The following CCSER1 variants were observed in gnomAD, a reference collection of about 807,000 sequenced individuals.
CCSER1 encodes the protein coiled-coil serine rich protein 1, also known as serine-rich coiled-coil domain-containing protein 1.
Under a neutral mutation model 82.0 loss-of-function variants are expected in CCSER1, and 41 were observed. The ratio of observed to expected loss-of-function variants is 0.50; its 90% CI spans 0.39 to 0.65. The LOEUF is 0.65. Among genes scored for constraint, CCSER1 ranks in the 30% least tolerant of loss-of-function variants. The pLI is 0.00. For synonymous variants in CCSER1, 414 were observed against 383.9 expected (o/e 1.08, Z -0.92); for missense variants, 1,119 against 1,064.2 (o/e 1.05, Z -0.72).
chr4:91,210,979 T>A (rs969665024), intron 10 of CCSER1, among the ~76,000 whole-genome samples: 1 of 151,938 alleles, frequency 6.6e-6, no homozygotes, highest in Non-Finnish European at 1.5e-5. Context: ...TTAGGAAAAA[T>A]ATTATTCTTA....
intron 10 of CCSER1, among the ~76,000 whole-genome samples, chr4:91,335,810 T>G (rs886257102): frequency 3.3e-5 from 5 of 151,968 alleles, no homozygotes; most frequent in Non-Finnish European, 5.9e-5. Flanking sequence ...TGACTAGGAT[T>G]TTTTTTAGAG....
rs58423940 is a variant in CCSER1, at chr4:90,136,541, T to G, written c.-42+8710T>G. Among the ~76,000 whole-genome samples the G allele has an allele frequency of 2.6e-3, 390 of 152,362 alleles. 3 individuals carry two copies. The highest frequency in any genetic ancestry group is 8.9e-3 in the African/African-American group (369 of 41,592). ...TATTATGAATCTGTTAATGAATGTT[T>G]GTTGTGTGTGTGTTTTGCAATAGCA... On this transcript the variant is annotated intron_variant, in intron 1 of 10. Coordinates refer to ENST00000509176, the MANE Select transcript of CCSER1 (RefSeq NM_001145065.2).
At chr4:91,233,257 C>G (rs570399367) in intron 10 of CCSER1, among the ~76,000 whole-genome samples, 2 of 151,836 alleles carry the variant, frequency 1.3e-5, no homozygotes, top group African/African-American at 4.8e-5. Flanking sequence ...TAAACTCTCT[C>G]AGTAGTCTTT....
intron 10 of CCSER1, among the ~76,000 whole-genome samples, chr4:91,422,910 T>A (rs879399818): frequency 1.3e-5 from 2 of 152,094 alleles, no homozygotes; most frequent in Admixed American, 1.3e-4. Context: ...GGAAAGACAT[T>A]TCAATGTCAA....
chr4:90,674,891 A>G (rs751236074), intron 6 of CCSER1, among the ~76,000 whole-genome samples: 2 of 151,928 alleles, frequency 1.3e-5, no homozygotes, highest in African/African-American at 2.4e-5. Flanking sequence ...CTCCTGACCC[A>G]GGAGGAAAGT....
intron 10 of CCSER1, among the ~76,000 whole-genome samples, chr4:91,363,740 G>C (rs561875094): frequency 6.6e-6 from 1 of 151,806 alleles, no homozygotes; most frequent in East Asian, 1.9e-4. Flanking sequence ...CATTAATTTA[G>C]ATATGTGTAC....
intron 4 of CCSER1, 51 bp from the exon 5 acceptor site, chr4:90,468,183 C>G (rs1348895686): frequency 3.9e-6 from 6 of 1,520,258 alleles, no homozygotes; most frequent in Admixed American, 1.9e-5. Context: ...AGATGTGAGA[C>G]TAGTTCATAA....
chr4:90,688,252 C>T (rs1040449485), intron 6 of CCSER1, among the ~76,000 whole-genome samples: 15 of 152,012 alleles, frequency 9.9e-5, no homozygotes, highest in Non-Finnish European at 2.1e-4. Flanking sequence ...CCATTTCATA[C>T]CCTTATGCAT....
intron 3 of CCSER1, among the ~76,000 whole-genome samples, chr4:90,365,956 T>G (rs547323854): frequency 6.6e-6 from 1 of 151,996 alleles, no homozygotes. Flanking sequence ...TCTTGCATAC[T>G]ACAGCATTTT....
At chr4:91,389,189 T>A (rs561917101) in intron 10 of CCSER1, among the ~76,000 whole-genome samples, 3 of 152,200 alleles carry the variant, frequency 2.0e-5, no homozygotes, top group African/African-American at 7.2e-5. Context: ...GAACTTATGG[T>A]TTTAAAATTT....
intron 10 of CCSER1, among the ~76,000 whole-genome samples, chr4:91,346,162 G>A (rs1578233154): frequency 6.6e-6 from 1 of 151,436 alleles, no homozygotes; most frequent in African/African-American, 2.4e-5. Flanking sequence ...GACTACAGGC[G>A]CTCACCACCA....
intron 8 of CCSER1, among the ~76,000 whole-genome samples, chr4:90,917,105 G>A (rs1727579942): frequency 6.6e-6 from 1 of 152,166 alleles, no homozygotes; most frequent in Non-Finnish European, 1.5e-5. Flanking sequence ...AAGTCTGTGT[G>A]GCAATTCCTC....
intron 10 of CCSER1, among the ~76,000 whole-genome samples, chr4:91,287,525 C>T (rs1031592545): frequency 6.6e-6 from 1 of 151,954 alleles, no homozygotes; most frequent in Non-Finnish European, 1.5e-5. Context: ...ACTAACATAA[C>T]TTTTCCTGTA....
At position 90,822,774 on chromosome 4, in the gene CCSER1, A is replaced by G. The variant is rs544960731; in HGVS notation, c.2094+6929A>G. Among the ~76,000 whole-genome samples, 13 of 152,116 alleles carry G rather than the reference A, an allele frequency of 8.5e-5. No homozygotes were observed. In the East Asian group the frequency reaches 2.3e-3, roughly 27 times the overall value. ...AGTTTCTATTTAAAAGTCCAATTCA[A>G]ATGGGTCACCGGAAAAACAAAATAG... On this transcript the variant is annotated intron_variant, in intron 8 of 10. Transcript: ENST00000509176.
At chr4:90,169,400 T>C (rs1374924235) in intron 1 of CCSER1, among the ~76,000 whole-genome samples, 4 of 152,108 alleles carry the variant, frequency 2.6e-5, no homozygotes, top group Non-Finnish European at 5.9e-5. Context: ...GTTTTCTAGG[T>C]ATACAATCAT....
intron 10 of CCSER1, among the ~76,000 whole-genome samples, chr4:91,452,041 T>C (rs1755898553): frequency 1.3e-5 from 2 of 152,000 alleles, no homozygotes; most frequent in Non-Finnish European, 2.9e-5. Flanking sequence ...ATATACACTA[T>C]GATGTCTGGA....
At chr4:90,241,848 T>C (rs1239747545) in intron 1 of CCSER1, among the ~76,000 whole-genome samples, 1 of 152,240 alleles carries the variant, frequency 6.6e-6, no homozygotes, top group Non-Finnish European at 1.5e-5. Context: ...AAAACTATTA[T>C]GATTCATATC....
At position 90,312,904 on chromosome 4, in the gene CCSER1, A is replaced by G. The variant is rs573341093; in HGVS notation, c.1366A>G (p.Ile456Val). 8.2e-6 allele frequency: 13 copies of G among 1,581,736 alleles called. No individual in the cohort carries two copies. The East Asian group carries it at 2.5e-4, about 31-fold the overall frequency. ...CAGTCCATTTCGTGAAGGAAGATTT[A>G]TAGAGAGGAGACTGCGATCCTCGTC... ...SLSPFREGRF[I>V]ERRLRSSSEG... The change falls in exon 3 of 11, where the codon ATA (isoleucine) becomes GTA (valine). Residue 456 changes from isoleucine to valine, a missense_variant. Transcript: ENST00000509176.
chr4:91,514,943 A>G (rs1359734894), intron 10 of CCSER1, among the ~76,000 whole-genome samples: 6 of 152,162 alleles, frequency 3.9e-5, no homozygotes, highest in Non-Finnish European at 8.8e-5. Context: ...ATGCCTGCCT[A>G]CATTAGGAAG....
Sources: allele counts gnomAD v4.1 joint callset (sites outside exome capture counted in the v4.1 genomes callset), GRCh38; gene constraint gnomAD v4.1.1; transcripts MANE v1.5; gene names NCBI Gene and HGNC (gene_info 2026-07-23, HGNC 2026-07-21).